PRDM6: variants seen among roughly 807,000 people sequenced by gnomAD.
PRDM6 encodes the protein PR/SET domain 6.
A neutral mutation model predicts 60.8 loss-of-function variants in PRDM6; 25 were observed. The ratio of observed to expected loss-of-function variants is 0.41; its 90% CI spans 0.30 to 0.57. The LOEUF (loss-of-function observed/expected upper bound fraction) is 0.57, where lower values mean the gene tolerates loss of function less well. Among genes scored for constraint, PRDM6 ranks in the 20% least tolerant of loss-of-function variants. The pLI, the probability that PRDM6 is intolerant of heterozygous loss-of-function variation, is 0.27. For missense variants in PRDM6, 839 were observed against 821.3 expected (o/e 1.02, Z -0.26); for synonymous variants, 407 against 357.4 (o/e 1.14, Z -1.57).
intron 3 of PRDM6, among the ~76,000 whole-genome samples, chr5:123,147,630 G>T (rs961006480): frequency 6.6e-6 from 1 of 152,158 alleles, no homozygotes. Flanking sequence ...CAAAGAGGGC[G>T]GGTCTCACCA....
chr5:123,099,703 G>A lies in PRDM6; in HGVS notation c.642G>A (p.Gly214=), dbSNP rs756489533. ...GCAACGGCGAGTGCCCTATGCATGG[G>A]CCACTGCACTCGCTGCGCCGGCTTG... is the stretch of plus-strand genomic sequence containing the variant. The part of the protein sequence containing the change: ...DNRNGECPMH[G]PLHSLRRLVG... Residue 214 remains glycine, a synonymous_variant, in exon 3 of 8, where the codon GGG becomes GGA. Coordinates refer to ENST00000407847, the MANE Select transcript of PRDM6 (RefSeq NM_001136239.4). The surrounding 1 kb of genome is among the most constrained non-coding windows in gnomAD (Gnocchi z 4.0). The A allele has an allele frequency of 8.4e-5, 128 of 1,522,570 alleles. No individual in the cohort carries two copies. The highest frequency in any genetic ancestry group is 9.9e-5 in the Non-Finnish European group (112 of 1,135,590). The allele number at this position is 1,522,570 out of a possible 1,614,324, so 94.3% of individuals were successfully genotyped here.
intron 3 of PRDM6, among the ~76,000 whole-genome samples, chr5:123,117,278 C>T (rs928002188): frequency 8.5e-5 from 13 of 152,064 alleles, no homozygotes; most frequent in Middle Eastern, 6.8e-3. Flanking sequence ...GGGGTGGGGC[C>T]TGGGGAAAAA....
intron 7 of PRDM6, among the ~76,000 whole-genome samples, chr5:123,182,452 G>A (rs1436564868): frequency 6.6e-6 from 1 of 152,226 alleles, no homozygotes; most frequent in Non-Finnish European, 1.5e-5. Context: ...TCTTGTTGCT[G>A]TGTAAATAGA....
intron 5 of PRDM6, among the ~76,000 whole-genome samples, chr5:123,169,056 G>A (rs1765824954): frequency 6.6e-6 from 1 of 152,228 alleles, no homozygotes; most frequent in African/African-American, 2.4e-5. Flanking sequence ...GCCTTGAACT[G>A]GTGGCCAGTG....
chr5:123,184,724 TA>T (rs1210495945), intron 7 of PRDM6, among the ~76,000 whole-genome samples: 1 of 152,226 alleles, frequency 6.6e-6, no homozygotes, highest in Non-Finnish European at 1.5e-5. Context: ...GAGATTTCTC[TA>T]AAATGTAAGA....
At chr5:123,159,355 C>CT (rs1765575848) in intron 4 of PRDM6, among the ~76,000 whole-genome samples, 159 bp from the exon 5 acceptor site, 1 of 152,152 alleles carries the variant, frequency 6.6e-6, no homozygotes, top group East Asian at 1.9e-4. Context: ...GTTACAGACT[C>CT]TAATTGGTTG....
chr5:123,158,915 A>G (rs930816787), intron 4 of PRDM6, among the ~76,000 whole-genome samples: 9 of 152,048 alleles, frequency 5.9e-5, no homozygotes, highest in African/African-American at 2.2e-4. Flanking sequence ...TCAGAGTGTA[A>G]TCTTTCAGCC....
Position 123,188,430 on chromosome 5 carries a change from G to A in PRDM6, c.*1229G>A, listed in dbSNP as rs1006099316. 2 of 152,206 alleles carry A rather than the reference G, an allele frequency of 1.3e-5. No individual in the cohort carries two copies. The highest frequency in any genetic ancestry group is 2.1e-4 in the South Asian group (1 of 4,836). 9.4% of individuals were successfully genotyped at this position (152,206 alleles called of 1,614,324 possible). A position where few individuals can be genotyped will look rare whatever the true frequency, so the allele number is the denominator to read the frequency against. On this transcript the variant is annotated 3_prime_UTR_variant, in exon 8 of 8. Coordinates refer to ENST00000407847, the MANE Select transcript of PRDM6 (RefSeq NM_001136239.4). The stretch of plus-strand genomic sequence containing the variant: ...TATTCTTTGAGTGCTGAGAATGTGA[G>A]TTTAATTTCAGCTAGCCTGTTGGTG...
Position 123,099,558 on chromosome 5 carries a change from G to A in PRDM6, c.593-96G>A. On this transcript the variant is annotated intron_variant, in intron 2 of 7. Coordinates refer to ENST00000407847, the MANE Select transcript of PRDM6 (RefSeq NM_001136239.4). This position sits in a 1 kb window ranked among gnomAD's most constrained non-coding sequence, Gnocchi z 4.0. Reference sequence around the variant, plus strand: ...CGAAGGTGGCTTACCCAGGCGGGCGGTGATGCTGTTGTCTCGGGAGTTTAC... The same window carrying A: ...CGAAGGTGGCTTACCCAGGCGGGCGATGATGCTGTTGTCTCGGGAGTTTAC... 4 of 1,179,474 alleles carry A rather than the reference G, an allele frequency of 3.4e-6. No homozygotes were observed. Among genetic ancestry groups the A allele is most frequent in the Non-Finnish European group, 4.6e-6 (4 of 876,344 alleles). 73.1% of individuals were successfully genotyped at this position (1,179,474 alleles called of 1,614,324 possible). A position where few individuals can be genotyped will look rare whatever the true frequency, so the allele number is the denominator to read the frequency against.
intron 3 of PRDM6, among the ~76,000 whole-genome samples, chr5:123,110,785 C>T (rs1446140651): frequency 2.6e-5 from 4 of 151,952 alleles, no homozygotes; most frequent in Non-Finnish European, 4.4e-5. Flanking sequence ...AGGATGGTCT[C>T]GAACTCCCGA....
intron 7 of PRDM6, among the ~76,000 whole-genome samples, chr5:123,180,964 A>G (rs1561886309): frequency 6.6e-6 from 1 of 152,228 alleles, no homozygotes; most frequent in African/African-American, 2.4e-5. Context: ...GATGGAATTG[A>G]ATTCTAAGGG....
intron 7 of PRDM6, among the ~76,000 whole-genome samples, chr5:123,185,323 G>A (rs796236890): frequency 6.6e-6 from 1 of 152,132 alleles, no homozygotes; most frequent in East Asian, 1.9e-4. Context: ...ATAAAAAAAA[G>A]GAATATAATA....
At chr5:123,091,475 C>T (rs1459475962) in intron 2 of PRDM6, among the ~76,000 whole-genome samples, 1 of 152,244 alleles carries the variant, frequency 6.6e-6, no homozygotes, top group Admixed American at 6.5e-5. Context: ...ATTCCTGTAG[C>T]TTCGGTTTCT....
intron 3 of PRDM6, among the ~76,000 whole-genome samples, chr5:123,133,797 A>C (rs1441405953): frequency 6.6e-6 from 1 of 151,158 alleles, no homozygotes; most frequent in Non-Finnish European, 1.5e-5. Flanking sequence ...AGTTCAGTTG[A>C]TTTGAAACAA....
intron 7 of PRDM6, among the ~76,000 whole-genome samples, chr5:123,183,014 C>A (rs533422430): frequency 1.3e-5 from 2 of 152,292 alleles, no homozygotes; most frequent in East Asian, 3.9e-4. Context: ...GGATATTCAT[C>A]CCATGGACAT....
intron 3 of PRDM6, among the ~76,000 whole-genome samples, chr5:123,132,379 A>G (rs1764852542): frequency 6.6e-6 from 1 of 151,620 alleles, no homozygotes. Flanking sequence ...TCCTCTGTTG[A>G]AGTAACAGCA....
intron 3 of PRDM6, among the ~76,000 whole-genome samples, chr5:123,110,463 G>A (rs1393427965): frequency 1.3e-5 from 2 of 151,174 alleles, no homozygotes; most frequent in East Asian, 1.9e-4. Context: ...TTCACCATGT[G>A]GGCCAGGCGG....
At chr5:123,118,663 A>C (rs1764510948) in intron 3 of PRDM6, among the ~76,000 whole-genome samples, 1 of 152,224 alleles carries the variant, frequency 6.6e-6, no homozygotes, top group Admixed American at 6.5e-5. Flanking sequence ...GGTGCACAGC[A>C]CTTTTAGGGC....
At chr5:123,167,668 C>T (rs1275262930) in intron 5 of PRDM6, among the ~76,000 whole-genome samples, 2 of 152,174 alleles carry the variant, frequency 1.3e-5, no homozygotes, top group African/African-American at 2.4e-5. Flanking sequence ...GGATTACAGG[C>T]GTGAGCCACC....
Sources: allele counts gnomAD v4.1 joint callset (sites outside exome capture counted in the v4.1 genomes callset), GRCh38; gene constraint gnomAD v4.1.1; non-coding constraint Gnocchi (gnomAD v3.1); transcripts MANE v1.5; gene names NCBI Gene and HGNC (gene_info 2026-07-23, HGNC 2026-07-21).